Variants in TESC observed in about 807,000 individuals in gnomAD.
TESC encodes calcineurin B homologous protein 3.
In TESC, 19 loss-of-function variants were observed where a neutral mutation model predicts 31.0. That is an observed-to-expected ratio of 0.61 (90% CI 0.43 to 0.90). TESC has a LOEUF of 0.90. TESC is among the 40% of genes least tolerant of loss of function. The probability of loss-of-function intolerance (pLI) is 0.00; values close to 1 mark genes in which losing one functional copy is unlikely to be tolerated. For missense variants in TESC, 248 were observed against 303.8 expected (o/e 0.82, Z 1.36); for synonymous variants, 109 against 114.8 (o/e 0.95, Z 0.32).
intron 6 of TESC, among the ~76,000 whole-genome samples, chr12:117,043,713 G>A (rs1013445226): frequency 5.3e-5 from 8 of 151,708 alleles, no homozygotes; most frequent in African/African-American, 1.7e-4. Flanking sequence ...CAATCCAACC[G>A]CCTGGGGCTC....
At chr12:117,040,039 G>A (rs1178733789) in intron 7 of TESC, among the ~76,000 whole-genome samples, 1 of 152,232 alleles carries the variant, frequency 6.6e-6, no homozygotes, top group African/African-American at 2.4e-5. Flanking sequence ...TCCCGCTTAT[G>A]TAAGAATCAA....
At chr12:117,066,625 A>G (rs1954888293) in intron 2 of TESC, among the ~76,000 whole-genome samples, 1 of 152,052 alleles carries the variant, frequency 6.6e-6, no homozygotes, top group Non-Finnish European at 1.5e-5. Context: ...TCAGCCTCCC[A>G]AAGTGCTGGG....
At chr12:117,046,983 C>G in intron 4 of TESC, 145 bp from the exon 5 acceptor site, 1 of 821,558 alleles carries the variant, frequency 1.2e-6, no homozygotes, top group Non-Finnish European at 1.9e-6. Flanking sequence ...AGCTGTGGGA[C>G]CAGACTGACT....
At chr12:117,056,745 C>G (rs144133569) in intron 3 of TESC, 61 bp downstream of exon 3, 2 of 1,548,322 alleles carry the variant, frequency 1.3e-6, no homozygotes, top group East Asian at 2.2e-5. Flanking sequence ...AACAAGTATC[C>G]CGAGATGTTA....
intron 1 of TESC, among the ~76,000 whole-genome samples, chr12:117,098,123 C>G (rs2135811846): frequency 6.6e-6 from 1 of 152,292 alleles, no homozygotes; most frequent in East Asian, 1.9e-4. Context: ...AGCTGACACA[C>G]AAACAGCTGG....
chr12:117,079,970 C>T (rs1348758831), intron 1 of TESC, among the ~76,000 whole-genome samples: 6 of 152,106 alleles, frequency 3.9e-5, no homozygotes, highest in Non-Finnish European at 7.3e-5. Flanking sequence ...GAGCATTTAC[C>T]GTTTCCTGGC....
intron 1 of TESC, among the ~76,000 whole-genome samples, chr12:117,093,772 G>C (rs1249045330): frequency 6.6e-6 from 1 of 151,112 alleles, no homozygotes; most frequent in African/African-American, 2.4e-5. Flanking sequence ...CTGAACTCTA[G>C]GTCTGGAGAT....
chr12:117,074,453 G>T (rs1038922676), intron 2 of TESC, among the ~76,000 whole-genome samples: 1 of 152,102 alleles, frequency 6.6e-6, no homozygotes, highest in Non-Finnish European at 1.5e-5. Context: ...CAACCTAAAG[G>T]TATCTAAAAG....
intron 1 of TESC, 72 bp downstream of exon 1, chr12:117,099,153 G>A: frequency 7.0e-7 from 1 of 1,420,786 alleles, no homozygotes; most frequent in Non-Finnish European, 9.2e-7. Flanking sequence ...CGCGGCGGCG[G>A]GCCGGGGTCC....
chr12:117,080,387 G>C (rs1347675113), intron 1 of TESC, among the ~76,000 whole-genome samples: 1 of 152,134 alleles, frequency 6.6e-6, no homozygotes, highest in Non-Finnish European at 1.5e-5. Context: ...AGAATCACTT[G>C]AACCCGGGAG....
chr12:117,044,995 G>A (rs1027489942), intron 6 of TESC, among the ~76,000 whole-genome samples: 3 of 152,214 alleles, frequency 2.0e-5, no homozygotes, highest in Non-Finnish European at 2.9e-5. Context: ...GTTTGTCTTT[G>A]GCGGATGGCA....
chr12:117,047,599 G>A (rs1954586957), intron 4 of TESC, among the ~76,000 whole-genome samples: 1 of 151,782 alleles, frequency 6.6e-6, no homozygotes, highest in African/African-American at 2.4e-5. Flanking sequence ...TAATTTTTGT[G>A]TTTTTAGTAG....
At chr12:117,071,536 T>C (rs1954973689) in intron 2 of TESC, among the ~76,000 whole-genome samples, 1 of 152,056 alleles carries the variant, frequency 6.6e-6, no homozygotes, top group African/African-American at 2.4e-5. Context: ...GAGTCCCACA[T>C]AAAGAACACA....
At chr12:117,067,064 C>T (rs148044376) in intron 2 of TESC, among the ~76,000 whole-genome samples, 22 of 152,322 alleles carry the variant, frequency 1.4e-4, no homozygotes, top group Non-Finnish European at 1.8e-4. Flanking sequence ...TGTGCGAGTC[C>T]AGCTGCCTCA....
intron 1 of TESC, among the ~76,000 whole-genome samples, chr12:117,082,895 T>A (rs1234199621): frequency 2.0e-5 from 3 of 152,194 alleles, no homozygotes. Context: ...TGGGTTAAAA[T>A]TTTTTTAACC....
chr12:117,072,760 C>T (rs1250560975), intron 2 of TESC, among the ~76,000 whole-genome samples: 1 of 152,178 alleles, frequency 6.6e-6, no homozygotes, highest in African/African-American at 2.4e-5. Context: ...AGGTACCAAG[C>T]ACCTGGCGCA....
intron 1 of TESC, among the ~76,000 whole-genome samples, chr12:117,092,644 C>A (rs1222461219): frequency 6.6e-6 from 1 of 152,152 alleles, no homozygotes; most frequent in Non-Finnish European, 1.5e-5. Context: ...CCTGGTTTCA[C>A]GGACACATTC....
chr12:117,069,270 C>T (rs1047892520), intron 2 of TESC, among the ~76,000 whole-genome samples: 2 of 152,050 alleles, frequency 1.3e-5, no homozygotes, highest in Non-Finnish European at 2.9e-5. Context: ...GACAGAATCT[C>T]GCTCTGTCAC....
intron 6 of TESC, among the ~76,000 whole-genome samples, chr12:117,044,085 A>G (rs1340120918): frequency 6.6e-6 from 1 of 151,926 alleles, no homozygotes; most frequent in Non-Finnish European, 1.5e-5. Context: ...TTTTTAGCAA[A>G]ACATCTCTTT....
Sources: allele counts gnomAD v4.1 joint callset (sites outside exome capture counted in the v4.1 genomes callset), GRCh38; gene constraint gnomAD v4.1.1; transcripts MANE v1.5; gene names NCBI Gene and HGNC (gene_info 2026-07-23, HGNC 2026-07-21).